EPB41L2: variants seen among roughly 807,000 people sequenced by gnomAD.
EPB41L2 encodes erythrocyte membrane protein band 4.1 like 2, also known as band 4.1-like protein 2.
Under a neutral mutation model 113.0 loss-of-function variants are expected in EPB41L2, and 43 were observed. That is an observed-to-expected ratio of 0.38 (90% CI 0.30 to 0.49). EPB41L2 has a LOEUF of 0.49. Among genes scored for constraint, EPB41L2 ranks in the 20% least tolerant of loss-of-function variants. EPB41L2 has a pLI of 0.95. For synonymous variants in EPB41L2, 442 were observed against 436.7 expected, an observed-to-expected ratio of 1.01 and a Z score of -0.15; for missense variants, 1,147 against 1,223.4, an observed-to-expected ratio of 0.94 and a Z score of 0.93.
intron 1 of EPB41L2, among the ~76,000 whole-genome samples, chr6:130,994,384 C>T (rs765188987): frequency 6.6e-6 from 1 of 152,148 alleles, no homozygotes; most frequent in African/African-American, 2.4e-5. Flanking sequence ...TGGGATATGG[C>T]TGTGCAACAG....
intron 1 of EPB41L2, among the ~76,000 whole-genome samples, chr6:130,974,702 TTTTTC>T (rs1464695448): frequency 7.6e-4 from 112 of 147,408 alleles, no homozygotes; most frequent in Non-Finnish European, 1.3e-3. Context: ...GGCAGCCTCT[TTTTTC>T]TTTTCTTTTC....
chr6:130,933,874 C>T (rs766236841), intron 3 of EPB41L2, among the ~76,000 whole-genome samples: 1 of 152,184 alleles, frequency 6.6e-6, no homozygotes, highest in Non-Finnish European at 1.5e-5. Context: ...GAATGCCACA[C>T]ACCACTGGCG....
chr6:130,985,194 A>G (rs1780248795), intron 1 of EPB41L2, among the ~76,000 whole-genome samples: 1 of 152,114 alleles, frequency 6.6e-6, no homozygotes, highest in Non-Finnish European at 1.5e-5. Context: ...TTCTTTCTGA[A>G]TAATGCTTTT....
intron 1 of EPB41L2, among the ~76,000 whole-genome samples, chr6:130,974,247 A>T (rs1366099510): frequency 6.6e-6 from 1 of 152,150 alleles, no homozygotes; most frequent in African/African-American, 2.4e-5. Context: ...TCTCTCTACC[A>T]TGAAGGGCAC....
intron 3 of EPB41L2, among the ~76,000 whole-genome samples, chr6:130,928,737 T>A (rs1805669296): frequency 6.6e-6 from 1 of 152,252 alleles, no homozygotes. Context: ...GCTGGACCAG[T>A]TCCTCTATCG....
intron 4 of EPB41L2, 26 bp from the exon 5 acceptor site, chr6:130,908,889 AT>A (rs1562459630): frequency 1.3e-6 from 2 of 1,550,854 alleles, no homozygotes; most frequent in Non-Finnish European, 1.8e-6. Flanking sequence ...AAATTAATTC[AT>A]AAGAAATATT....
At chr6:130,864,598 C>G (rs1783135865) in intron 17 of EPB41L2, among the ~76,000 whole-genome samples, 3 of 152,160 alleles carry the variant, frequency 2.0e-5, no homozygotes, top group Non-Finnish European at 4.4e-5. Context: ...ACCACACGGT[C>G]CTGGGAAAGC....
chr6:131,005,416 T>A (rs1584456259), intron 1 of EPB41L2, among the ~76,000 whole-genome samples: 1 of 152,152 alleles, frequency 6.6e-6, no homozygotes, highest in South Asian at 2.1e-4. Flanking sequence ...AGTCTGACAA[T>A]GAAGCTGGAG....
chr6:130,900,877 T>C, intron 7 of EPB41L2, 85 bp downstream of exon 7: 1 of 1,485,712 alleles, frequency 6.7e-7, no homozygotes, highest in Non-Finnish European at 9.2e-7. Flanking sequence ...ATCCTGTAAA[T>C]CATGCTCAAA....
At chr6:130,903,662 T>C (rs954781167) in intron 6 of EPB41L2, among the ~76,000 whole-genome samples, 6 of 138,402 alleles carry the variant, frequency 4.3e-5, no homozygotes, top group African/African-American at 1.5e-4. Flanking sequence ...ATATGGTATA[T>C]AAAAATCATC....
chr6:130,925,740 T>C (rs1051634026), intron 4 of EPB41L2, among the ~76,000 whole-genome samples: 1 of 152,092 alleles, frequency 6.6e-6, no homozygotes, highest in Admixed American at 6.6e-5. Context: ...TAATTTACAG[T>C]CTAAAAAACC....
At chr6:131,055,571 C>A (rs1438624079) in intron 1 of EPB41L2, among the ~76,000 whole-genome samples, 2 of 152,096 alleles carry the variant, frequency 1.3e-5, no homozygotes, top group African/African-American at 4.8e-5. Context: ...CTGCAGATGC[C>A]AACAAATTGC....
At chr6:130,990,439 C>A (rs1467378663) in intron 1 of EPB41L2, among the ~76,000 whole-genome samples, 2 of 151,958 alleles carry the variant, frequency 1.3e-5, no homozygotes, top group Non-Finnish European at 2.9e-5. Context: ...TAACACATAG[C>A]AAGATGGTAC....
At chr6:130,889,608 T>C (rs1417316378) in intron 11 of EPB41L2, among the ~76,000 whole-genome samples, 3 of 152,320 alleles carry the variant, frequency 2.0e-5, no homozygotes, top group South Asian at 2.1e-4. Context: ...GTTTCACTCA[T>C]GAAAATTTGC....
At chr6:130,861,699 C>T (rs183787135) in intron 18 of EPB41L2, among the ~76,000 whole-genome samples, 4 of 152,056 alleles carry the variant, frequency 2.6e-5, no homozygotes, top group East Asian at 1.9e-4. Context: ...CAGTGAAACC[C>T]CATCTCTACT....
chr6:130,853,159 A>C (rs1779241199), intron 19 of EPB41L2, among the ~76,000 whole-genome samples: 1 of 152,202 alleles, frequency 6.6e-6, no homozygotes, highest in Admixed American at 6.5e-5. Flanking sequence ...TGAACAAATA[A>C]ATGAATGGAT....
chr6:130,845,370 G>T (rs1427975068), intron 19 of EPB41L2, among the ~76,000 whole-genome samples: 1 of 114,212 alleles, frequency 8.8e-6, no homozygotes, highest in Non-Finnish European at 1.7e-5. Context: ...AACTATATTT[G>T]AGGTAACCTT....
At chr6:130,943,914 G>T (rs1811770699) in intron 3 of EPB41L2, among the ~76,000 whole-genome samples, 3 of 152,228 alleles carry the variant, frequency 2.0e-5, no homozygotes, top group Admixed American at 6.5e-5. Context: ...CCGGGAGCCT[G>T]CAATTCCCTC....
chr6:130,967,330 T>C (rs974504795), intron 1 of EPB41L2, among the ~76,000 whole-genome samples: 9 of 152,176 alleles, frequency 5.9e-5, no homozygotes, highest in Non-Finnish European at 1.0e-4. Context: ...AGTGGACCTA[T>C]GCAGTGTGGG....
Sources: gnomAD v4.1 joint callset for allele counts (sites outside exome capture counted in the v4.1 genomes callset) on GRCh38, gnomAD v4.1.1 for gene constraint, MANE v1.5 for transcripts, NCBI Gene and HGNC (gene_info 2026-07-23, HGNC 2026-07-21) for gene names.